The following CSMD3 variants were observed in gnomAD, a reference collection of about 807,000 sequenced individuals.
CSMD3 encodes the protein CUB and sushi domain-containing protein 3.
CSMD3 carries 177 observed loss-of-function variants against 435.2 expected under a neutral mutation model. That is an observed-to-expected ratio of 0.41 (90% CI 0.36 to 0.46). The LOEUF (loss-of-function observed/expected upper bound fraction) is 0.46, where lower values mean the gene tolerates loss of function less well. CSMD3 is among the 20% of genes least tolerant of loss of function. The pLI is 0.34. For synonymous variants in CSMD3, 1,656 were observed against 1,520.5 expected (o/e 1.09, Z -2.07); for missense variants, 4,265 against 4,504.6 (o/e 0.95, Z 1.52).
chr8:112,417,280 T>C (rs1812014456), intron 32 of CSMD3, among the ~76,000 whole-genome samples: 1 of 152,186 alleles, frequency 6.6e-6, no homozygotes, highest in Non-Finnish European at 1.5e-5. Flanking sequence ...CTCAAGGACT[T>C]AATCCAGGAT....
intron 32 of CSMD3, among the ~76,000 whole-genome samples, chr8:112,442,721 C>CA (rs1393950178): frequency 2.0e-5 from 3 of 152,054 alleles, no homozygotes; most frequent in Non-Finnish European, 2.9e-5. Flanking sequence ...CAGCTCTCAT[C>CA]AAAAAAATAT....
At chr8:112,500,935 G>A (rs974995248) in intron 30 of CSMD3, among the ~76,000 whole-genome samples, 1 of 151,930 alleles carries the variant, frequency 6.6e-6, no homozygotes, top group East Asian at 1.9e-4. Context: ...AGCCTTCCCC[G>A]CACACTATGT....
chr8:113,432,874 C>A (rs2094683529), intron 1 of CSMD3, among the ~76,000 whole-genome samples: 1 of 152,206 alleles, frequency 6.6e-6, no homozygotes, highest in Non-Finnish European at 1.5e-5. Flanking sequence ...CACACTCACA[C>A]CCACCCTCGG....
intron 22 of CSMD3, among the ~76,000 whole-genome samples, chr8:112,618,783 A>G (rs1304326951): frequency 6.6e-6 from 1 of 152,086 alleles, no homozygotes; most frequent in Non-Finnish European, 1.5e-5. Flanking sequence ...GCTAATACTG[A>G]AACCACTCTA....
At chr8:112,728,174 T>C (rs776330509) in intron 13 of CSMD3, among the ~76,000 whole-genome samples, 1 of 151,858 alleles carries the variant, frequency 6.6e-6, no homozygotes, top group African/African-American at 2.4e-5. Context: ...TAAGATTAGA[T>C]AAAGTGCTCT....
chr8:112,465,974 CAAA>C (rs201876803), intron 32 of CSMD3, among the ~76,000 whole-genome samples: 3 of 114,138 alleles, frequency 2.6e-5, no homozygotes, highest in Admixed American at 8.7e-5. Context: ...GACACCATCT[CAAA>C]AAAAAAAAAA....
chr8:113,301,960 A>G (rs1281244458), intron 2 of CSMD3, among the ~76,000 whole-genome samples: 1 of 151,592 alleles, frequency 6.6e-6, no homozygotes, highest in Non-Finnish European at 1.5e-5. Context: ...TATACCCTTT[A>G]ACCTTTGTGA....
Position 113,397,193 on chromosome 8 carries a change from G to A in CSMD3, c.178+39484C>T, listed in dbSNP as rs142844321. Among the ~76,000 whole-genome samples the A allele has an allele frequency of 1.0e-3, 156 of 152,046 alleles. 1 individual carries two copies. The highest frequency in any genetic ancestry group is 3.6e-3 in the African/African-American group (149 of 41,474). ...CCTAATGGTAGATTTTACCAATTTCGTTAAATTTTGTTAATCTGAATGGTA... is the reference window on the plus strand; with the variant it reads ...CCTAATGGTAGATTTTACCAATTTCATTAAATTTTGTTAATCTGAATGGTA... On this transcript the variant is annotated intron_variant, in intron 1 of 70. Coordinates refer to ENST00000297405, the MANE Select transcript of CSMD3 (RefSeq NM_198123.2).
chr8:112,492,337 A>T, intron 31 of CSMD3, 152 bp downstream of exon 31: 1 of 693,812 alleles, frequency 1.4e-6, no homozygotes, highest in South Asian at 1.8e-5. Flanking sequence ...ATTGAATTCA[A>T]CTTTAAAATG....
intron 6 of CSMD3, among the ~76,000 whole-genome samples, chr8:113,016,428 T>C (rs2086461200): frequency 6.6e-6 from 1 of 151,782 alleles, no homozygotes; most frequent in Non-Finnish European, 1.5e-5. Flanking sequence ...ACCTACTCCA[T>C]CAATTATGGA....
chr8:112,364,040 A>G (rs961659024), intron 38 of CSMD3, among the ~76,000 whole-genome samples: 8 of 151,980 alleles, frequency 5.3e-5, no homozygotes, highest in Admixed American at 2.0e-4. Flanking sequence ...AAGGGAGAAG[A>G]CCATTTTTAG....
At chr8:113,332,869 T>C (rs1376764785) in intron 1 of CSMD3, among the ~76,000 whole-genome samples, 1 of 151,628 alleles carries the variant, frequency 6.6e-6, no homozygotes, top group African/African-American at 2.4e-5. Context: ...ACTTCCTAAT[T>C]TAAAGTGTAT....
intron 27 of CSMD3, among the ~76,000 whole-genome samples, chr8:112,527,102 G>A (rs1825052520): frequency 6.6e-6 from 1 of 151,852 alleles, no homozygotes; most frequent in Admixed American, 6.6e-5. Flanking sequence ...CTTTAACCAA[G>A]TGAATAATTA....
Position 112,919,730 on chromosome 8 carries a change from G to C in CSMD3, c.1633+1897C>G, listed in dbSNP as rs183116694. Among the ~76,000 whole-genome samples the C allele has an allele frequency of 3.3e-3, 499 of 151,838 alleles. 4 individuals carry two copies. Among genetic ancestry groups the C allele is most frequent in the African/African-American group, 0.01 (434 of 41,474 alleles). ...CTTGAGTGAAGGACACAAGAAATCA[G>C]CCTTGTGTAATCAGTAAAATAGAAC... On this transcript the variant is annotated intron_variant, in intron 10 of 70. Coordinates refer to ENST00000297405, the MANE Select transcript of CSMD3 (RefSeq NM_198123.2).
intron 13 of CSMD3, among the ~76,000 whole-genome samples, chr8:112,768,211 G>C (rs1048558543): frequency 4.0e-5 from 6 of 151,594 alleles, no homozygotes; most frequent in African/African-American, 1.5e-4. Context: ...AGGAGAGTTT[G>C]ATATCCAGAG....
chr8:112,397,323 T>C (rs1830936981), intron 35 of CSMD3, among the ~76,000 whole-genome samples: 1 of 152,238 alleles, frequency 6.6e-6, no homozygotes, highest in African/African-American at 2.4e-5. Flanking sequence ...TCTGTCATAT[T>C]GTCAACTTTA....
intron 13 of CSMD3, among the ~76,000 whole-genome samples, chr8:112,791,745 G>A (rs1437339592): frequency 1.3e-5 from 2 of 152,082 alleles, no homozygotes; most frequent in East Asian, 1.9e-4. Context: ...TTGGGAAAAT[G>A]TCTAAGAGTA....
chr8:112,668,785 A>G (rs748835780), intron 16 of CSMD3, among the ~76,000 whole-genome samples: 4 of 151,926 alleles, frequency 2.6e-5, no homozygotes, highest in Non-Finnish European at 5.9e-5. Flanking sequence ...AGACATGCTT[A>G]TATGGGTCGG....
At chr8:112,913,715 C>T (rs559688651) in intron 10 of CSMD3, among the ~76,000 whole-genome samples, 80 of 149,582 alleles carry the variant, frequency 5.3e-4, no homozygotes, top group African/African-American at 1.4e-3. Flanking sequence ...TCTCCCTCTA[C>T]GGTTCCTTTC....
Sources: allele counts gnomAD v4.1 joint callset (sites outside exome capture counted in the v4.1 genomes callset), GRCh38; gene constraint gnomAD v4.1.1; transcripts MANE v1.5; gene names NCBI Gene and HGNC (gene_info 2026-07-23, HGNC 2026-07-21).